The following CEP112 variants were observed in gnomAD, a reference collection of about 807,000 sequenced individuals.
The protein encoded by CEP112 is centrosomal protein 112.
A neutral mutation model predicts 153.0 loss-of-function variants in CEP112; 127 were observed. The observed-to-expected ratio is 0.83, with a 90% confidence interval of 0.72 to 0.96. The LOEUF (loss-of-function observed/expected upper bound fraction) is 0.96, where lower values mean the gene tolerates loss of function less well. Among genes scored for constraint, CEP112 ranks in the 40% least tolerant of loss-of-function variants. The pLI is 0.00. For missense variants in CEP112, 1,089 were observed against 1,101.2 expected (o/e 0.99, Z 0.16); for synonymous variants, 358 against 374.4 (o/e 0.96, Z 0.51).
At chr17:65,708,146 C>T (rs570246112) in intron 23 of CEP112, among the ~76,000 whole-genome samples, 2 of 152,074 alleles carry the variant, frequency 1.3e-5, no homozygotes, top group South Asian at 2.1e-4. Context: ...GACAACCCCC[C>T]GCACTTTTTT....
rs138625347 is a variant in CEP112, at chr17:65,851,860, T to C, written c.2338A>G (p.Met780Val). The stretch of plus-strand genomic sequence containing the variant: ...TGAGTCTTTTTCAGCTCTATTTTCA[T>C]CTTTTCTGATTCAGCCTTCAGTTTA... ...VNKLKAESEK[M>V]KIELKKTHAA... Residue 780 changes from methionine (M) to valine (V), a missense_variant, in exon 21 of 27, where the codon ATG (methionine) becomes GTG (valine). Met to Val is a conservative substitution (Grantham distance 21, BLOSUM62 1). Coordinates refer to ENST00000535342, the MANE Select transcript of CEP112 (RefSeq NM_001199165.4). 105 of 1,614,084 alleles carry C rather than the reference T, an allele frequency of 6.5e-5. No homozygotes were observed. The highest frequency in any genetic ancestry group is 8.1e-5 in the Non-Finnish European group (96 of 1,180,040).
chr17:66,178,533 T>C (rs117501782), intron 2 of CEP112, among the ~76,000 whole-genome samples: 5,194 of 152,290 alleles, frequency 0.034, 132 homozygotes, highest in Middle Eastern at 0.061. Flanking sequence ...TTGTTGATCG[T>C]TTCCTTTGCA....
chr17:66,000,499 A>AAAG (rs998580277), intron 17 of CEP112, among the ~76,000 whole-genome samples: 3 of 151,784 alleles, frequency 2.0e-5, no homozygotes, highest in Admixed American at 6.6e-5. Context: ...GATTAAAAAA[A>AAAG]AAAAAAAAGG....
At chr17:65,660,357 TCCTC>T (rs1270116574) in intron 24 of CEP112, among the ~76,000 whole-genome samples, 1 of 134,334 alleles carries the variant, frequency 7.4e-6, no homozygotes, top group Non-Finnish European at 1.5e-5. Flanking sequence ...TCTCGTTCCT[TCCTC>T]CCTCCCTCCC....
At chr17:65,965,903 T>C (rs112201376) in intron 17 of CEP112, among the ~76,000 whole-genome samples, 3 of 152,100 alleles carry the variant, frequency 2.0e-5, no homozygotes, top group African/African-American at 7.2e-5. Flanking sequence ...AATTTCTACA[T>C]GGTAATGAAG....
chr17:65,925,439 CAATA>C (rs2060889378), intron 19 of CEP112, among the ~76,000 whole-genome samples: 1 of 152,174 alleles, frequency 6.6e-6, no homozygotes, highest in South Asian at 2.1e-4. Flanking sequence ...AAGCTGAAAA[CAATA>C]AATGTCATCT....
At chr17:66,051,991 T>G (rs1013119182) in intron 12 of CEP112, among the ~76,000 whole-genome samples, 26 of 152,232 alleles carry the variant, frequency 1.7e-4, no homozygotes, top group African/African-American at 4.3e-4. Flanking sequence ...AACATTTACT[T>G]TAGCATACAG....
At chr17:66,169,005 C>T (rs546381045) in intron 4 of CEP112, among the ~76,000 whole-genome samples, 162 of 152,260 alleles carry the variant, frequency 1.1e-3, no homozygotes, top group African/African-American at 3.7e-3. Flanking sequence ...GGCAACTTGT[C>T]TCTATGTCTG....
intron 17 of CEP112, among the ~76,000 whole-genome samples, chr17:65,992,483 A>G (rs967095723): frequency 1.3e-5 from 2 of 152,010 alleles, no homozygotes; most frequent in African/African-American, 4.8e-5. Context: ...GCCTCCAATA[A>G]CTCCAATAAC....
intron 12 of CEP112, among the ~76,000 whole-genome samples, chr17:66,032,209 C>T (rs2065517123): frequency 6.6e-6 from 1 of 152,054 alleles, no homozygotes; most frequent in African/African-American, 2.4e-5. Context: ...CCCTGTTGGC[C>T]AGGCTGGTCT....
intron 16 of CEP112, among the ~76,000 whole-genome samples, chr17:66,009,189 TTGTGTGTGTGTGTGTGTG>T (rs34971943): frequency 4.1e-5 from 6 of 146,856 alleles, no homozygotes; most frequent in South Asian, 2.2e-4. Flanking sequence ...TGTTATCCCT[TTGTGTGTGTGTGTGTGTG>T]TGTGTGTGTG....
rs149118855 is a variant in CEP112 at position 66,052,392 on chromosome 17, T to C, written c.1218+1344A>G. On this transcript the variant is annotated intron_variant, in intron 12 of 26. Coordinates refer to ENST00000535342, the MANE Select transcript of CEP112 (RefSeq NM_001199165.4). Reference sequence around the variant, plus strand: ...CGGACATGAGGAGCTCTGAGCCACATGCAGAGTAGCCTTCCAGCAAAACTG... The same window carrying C: ...CGGACATGAGGAGCTCTGAGCCACACGCAGAGTAGCCTTCCAGCAAAACTG... 4.3e-3 allele frequency among the ~76,000 whole-genome samples: 649 copies of C among 152,270 alleles called. 2 individuals carry two copies. The highest frequency in any genetic ancestry group is 0.017 in the Middle Eastern group (5 of 294).
chr17:65,800,773 C>G (rs1349139555), intron 21 of CEP112, among the ~76,000 whole-genome samples: 1 of 152,020 alleles, frequency 6.6e-6, no homozygotes, highest in Non-Finnish European at 1.5e-5. Flanking sequence ...CCAACACTTC[C>G]TATTGTTTGT....
intron 19 of CEP112, among the ~76,000 whole-genome samples, chr17:65,911,497 T>G (rs1245399264): frequency 6.6e-6 from 1 of 152,262 alleles, no homozygotes; most frequent in Admixed American, 6.5e-5. Context: ...AAATAATCTC[T>G]TATGTGGTTA....
chr17:66,168,710 C>A (rs2072108935), intron 4 of CEP112, among the ~76,000 whole-genome samples: 1 of 152,144 alleles, frequency 6.6e-6, no homozygotes, highest in African/African-American at 2.4e-5. Flanking sequence ...ATCTTGAAAT[C>A]ATGGACCAAA....
At chr17:66,156,984 C>T (rs1180068702) in intron 4 of CEP112, among the ~76,000 whole-genome samples, 1 of 152,158 alleles carries the variant, frequency 6.6e-6, no homozygotes, top group East Asian at 1.9e-4. Flanking sequence ...ACTTCCCCAA[C>T]CTGGCAAGAC....
intron 23 of CEP112, among the ~76,000 whole-genome samples, chr17:65,742,437 A>G (rs1362392214): frequency 6.6e-6 from 1 of 152,222 alleles, no homozygotes; most frequent in Admixed American, 6.5e-5. Flanking sequence ...GACACATACA[A>G]TAATATTCAC....
chr17:65,893,450 C>A (rs1264422078), intron 20 of CEP112, among the ~76,000 whole-genome samples: 1 of 151,976 alleles, frequency 6.6e-6, no homozygotes, highest in Non-Finnish European at 1.5e-5. Context: ...CCCAACCTCC[C>A]AATAAACAAA....
chr17:65,640,154 A>ATATATATTTTTT (rs1300751452), intron 25 of CEP112, among the ~76,000 whole-genome samples: 2 of 78,348 alleles, frequency 2.6e-5, no homozygotes, highest in African/African-American at 1.4e-4. Flanking sequence ...ATATATATAT[A>ATATATATTTTTT]TTTTTTTTTT....
Sources: gnomAD v4.1 joint callset for allele counts (sites outside exome capture counted in the v4.1 genomes callset) on GRCh38, gnomAD v4.1.1 for gene constraint, MANE v1.5 for transcripts, NCBI Gene and HGNC (gene_info 2026-07-23, HGNC 2026-07-21) for gene names.